CRELD1: variants seen among roughly 807,000 people sequenced by gnomAD.
The protein encoded by CRELD1 is protein disulfide isomerase CRELD1.
CRELD1 carries 42 observed loss-of-function variants against 58.2 expected under a neutral mutation model. The ratio of observed to expected loss-of-function variants is 0.72; its 90% CI spans 0.56 to 0.93. The LOEUF is 0.93. Among genes scored for constraint, CRELD1 ranks in the 40% least tolerant of loss-of-function variants. The pLI, the probability that CRELD1 is intolerant of heterozygous loss-of-function variation, is 0.00. For synonymous variants in CRELD1, 222 were observed against 202.0 expected, an observed-to-expected ratio of 1.10 and a Z score of -0.84; for missense variants, 500 against 540.6, an observed-to-expected ratio of 0.92 and a Z score of 0.74.
intron 7 of CRELD1, among the ~76,000 whole-genome samples, chr3:9,941,990 T>C (rs549207790): frequency 1.1e-4 from 16 of 151,724 alleles, no homozygotes; most frequent in Non-Finnish European, 1.9e-4. Context: ...GTTGGCTGGG[T>C]GTGGTAGCTC....
rs2085407333 is a variant in CRELD1 at position 9,942,902 on chromosome 3, T to G, written c.817+6T>G. 6.2e-7 allele frequency: 1 copy of G among 1,612,464 alleles called. No homozygotes were observed. The highest frequency in any genetic ancestry group is 1.7e-5 in the Admixed American group (1 of 59,998). On this transcript the variant is annotated splice_donor_region_variant and intron_variant, in intron 8 of 10. Transcript: ENST00000452070. ...GGGCTCCTATGAGTGCCGAGGTCAG[T>G]GTCTACTTCTGCAGAGGAGGGGACG...
At chr3:9,936,551 GTA>G (rs36230194) in intron 3 of CRELD1, among the ~76,000 whole-genome samples, 2,608 of 148,428 alleles carry the variant, frequency 0.018, 37 homozygotes, top group Non-Finnish European at 0.024. Flanking sequence ...ATATATATGC[GTA>G]TATATATATA....
In CRELD1 at chr3:9,935,345, A is replaced by C. The variant is rs1475023138; in HGVS notation, c.257+428A>C. Among the ~76,000 whole-genome samples, 2 of 152,196 alleles carry C rather than the reference A, an allele frequency of 1.3e-5. 1 individual carries two copies. Among genetic ancestry groups the C allele is most frequent in the East Asian group, 3.8e-4 (2 of 5,200 alleles). ...GCCAAGGGGAGAGTGCTAGAAGGTG[A>C]AGGCAAAGGCTTAAGCCTCGAGGGC... On this transcript the variant is annotated intron_variant, in intron 3 of 10. Coordinates refer to ENST00000452070, the MANE Select transcript of CRELD1 (RefSeq NM_001077415.3).
chr3:9,934,989 A>G, intron 3 of CRELD1, 72 bp downstream of exon 3: 1 of 1,306,432 alleles, frequency 7.7e-7, no homozygotes, highest in East Asian at 2.5e-5. Context: ...GTGTAGGGCT[A>G]GGAACTCTTG....
rs1293478732 is a variant in CRELD1 at position 9,940,734 on chromosome 3, G to C, written c.461-116G>C. The C allele has an allele frequency of 1.8e-5, 12 of 664,720 alleles. No individual in the cohort carries two copies. In the South Asian group the frequency reaches 2.0e-4, roughly 11 times the overall value. 41.2% of individuals were successfully genotyped at this position (664,720 alleles called of 1,614,324 possible). A position where few individuals can be genotyped will look rare whatever the true frequency, so the allele number is the denominator to read the frequency against. On this transcript the variant is annotated intron_variant, in intron 5 of 10. Coordinates refer to ENST00000452070, the MANE Select transcript of CRELD1 (RefSeq NM_001077415.3). ...AGAGGGAGAGGGAAAGGGGGAGGGG[G>C]AGGGGAGGGGGGGAGGGAGGGAAGG...
intron 7 of CRELD1, 83 bp from the exon 8 acceptor site, chr3:9,942,730 G>A: frequency 9.3e-7 from 1 of 1,076,166 alleles, no homozygotes; most frequent in Non-Finnish European, 1.4e-6. Context: ...TTAATCCCAG[G>A]CAAGACCATT....
intron 5 of CRELD1, 35 bp downstream of exon 5, chr3:9,938,141 G>A (rs1186507529): frequency 6.7e-6 from 10 of 1,501,290 alleles, no homozygotes; most frequent in Non-Finnish European, 7.4e-6. Context: ...GATGGGAGGG[G>A]ACCACCGAGT....
intron 1 of CRELD1, 104 bp from the exon 2 acceptor site, chr3:9,934,316 A>G: frequency 1.1e-6 from 1 of 909,972 alleles, no homozygotes; most frequent in Non-Finnish European, 1.8e-6. Flanking sequence ...TTTTGCTTGT[A>G]ATAACGCAGA....
In CRELD1 at chr3:9,934,900, G is replaced by C. The variant is rs1006724708; in HGVS notation, c.240G>C (p.Leu80Phe). 4 of 1,612,046 alleles carry C rather than the reference G, an allele frequency of 2.5e-6. No homozygotes were observed. The highest frequency in any genetic ancestry group is 3.4e-6 in the Non-Finnish European group (4 of 1,179,082). Residue 80 changes from leucine (L) to phenylalanine (F), a missense_variant, in exon 3 of 11, where the codon TTG becomes TTC. By Grantham distance (22) the Leu-to-Phe change is conservative. Coordinates refer to ENST00000452070, the MANE Select transcript of CRELD1 (RefSeq NM_001077415.3). The part of the protein sequence containing the change: ...GGNTAWEEEN[L>F]SKYKDSETRL... ...ACACTGCCTGGGAGGAAGAGAATTT[G>C]TCCAAATACAAAGACAGGTAAGGGG...
intron 2 of CRELD1, 44 bp downstream of exon 2, chr3:9,934,656 A>G: frequency 6.2e-7 from 1 of 1,600,736 alleles, no homozygotes; most frequent in Non-Finnish European, 8.6e-7. Flanking sequence ...ACAGCGATTT[A>G]GAGTGGGGAA....
In CRELD1 at chr3:9,944,076, G is replaced by A. The variant is rs144715692; in HGVS notation, c.1049-289G>A. On this transcript the variant is annotated intron_variant, in intron 10 of 10. Transcript: ENST00000452070. ...GGATCCCAATCCAGACAGTCTGACC[G>A]TGGAACGAGACTCATACACGTAATA... The A allele has an allele frequency of 4.6e-5, 37 of 798,640 alleles. No homozygotes were observed. In the Middle Eastern group the frequency reaches 6.7e-4, roughly 14 times the overall value. 49.5% of individuals were successfully genotyped at this position (798,640 alleles called of 1,614,324 possible). A position where few individuals can be genotyped will look rare whatever the true frequency, so the allele number is the denominator to read the frequency against.
chr3:9,943,710 A>G, intron 10 of CRELD1, 195 bp downstream of exon 10: 1 of 985,374 alleles, frequency 1.0e-6, no homozygotes, highest in East Asian at 1.1e-4. Context: ...TCCAGGGTAC[A>G]AAGGGAATCA....
At position 9,940,742 on chromosome 3, in the gene CRELD1, G is replaced by C. The variant is rs1266733781; in HGVS notation, c.461-108G>C. ...AGGGAAAGGGGGAGGGGGAGGGGAG[G>C]GGGGGAGGGAGGGAAGGCAAGGGAG... is the stretch of plus-strand genomic sequence containing the variant. On this transcript the variant is annotated intron_variant, in intron 5 of 10. Coordinates refer to ENST00000452070, the MANE Select transcript of CRELD1 (RefSeq NM_001077415.3). 9.7e-6 allele frequency: 7 copies of C among 722,238 alleles called. No individual in the cohort carries two copies. The African/African-American group carries it at 1.2e-4, about 13-fold the overall frequency. 44.7% of individuals were successfully genotyped at this position (722,238 alleles called of 1,614,324 possible).
At position 9,944,105 on chromosome 3, in the gene CRELD1, G is replaced by A. The variant is rs747946338; in HGVS notation, c.1049-260G>A. ...AACGAGACTCATACACGTAATAAAT[G>A]CTCTGCCCCCAACTTGTCCACCACA... On this transcript the variant is annotated intron_variant, in intron 10 of 10. Coordinates refer to ENST00000452070, the MANE Select transcript of CRELD1 (RefSeq NM_001077415.3). 5.1e-6 allele frequency: 4 copies of A among 790,524 alleles called. No individual in the cohort carries two copies. In the East Asian group the frequency reaches 7.3e-5, roughly 14 times the overall value. 49.0% of individuals were successfully genotyped at this position (790,524 alleles called of 1,614,324 possible).
chr3:9,942,886 T>G lies in CRELD1; in HGVS notation c.807T>G (p.Tyr269Ter). 6.2e-7 allele frequency: 1 copy of G among 1,614,084 alleles called. No homozygotes were observed. The highest frequency in any genetic ancestry group is 8.5e-7 in the Non-Finnish European group (1 of 1,179,896). Reference sequence around the variant, plus strand: ...TCTGCGTGAACACTGAGGGCTCCTATGAGTGCCGAGGTCAGTGTCTACTTC... The same window carrying G: ...TCTGCGTGAACACTGAGGGCTCCTAGGAGTGCCGAGGTCAGTGTCTACTTC... ...DQFCVNTEGS[Y>*]ECRDCAKACL... The change falls in exon 8 of 11, where the codon TAT becomes TAG. Residue 269 changes from tyrosine (Y) to a stop codon, truncating the protein, a stop_gained. Transcript: ENST00000452070. LOFTEE classifies it high-confidence loss of function.
chr3:9,941,061 C>T, intron 6 of CRELD1, 35 bp downstream of exon 6: 4 of 1,614,084 alleles, frequency 2.5e-6, no homozygotes, highest in Non-Finnish European at 3.4e-6. Flanking sequence ...TGGGCAGGGG[C>T]AGATGGGGCA....
At chr3:9,934,951 C>T in intron 3 of CRELD1, 34 bp downstream of exon 3, 1 of 1,546,600 alleles carries the variant, frequency 6.5e-7, no homozygotes, top group Non-Finnish European at 8.8e-7. Flanking sequence ...GTGTATATTC[C>T]CCTCCCCGCC....
At chr3:9,943,013 C>G in intron 8 of CRELD1, 64 bp from the exon 9 acceptor site, 1 of 1,568,024 alleles carries the variant, frequency 6.4e-7, no homozygotes, top group South Asian at 1.1e-5. Flanking sequence ...GCCTCCGCTT[C>G]TGGAGCGTGG....
chr3:9,939,305 C>T (rs2085281995), intron 5 of CRELD1, among the ~76,000 whole-genome samples: 1 of 152,078 alleles, frequency 6.6e-6, no homozygotes, highest in Non-Finnish European at 1.5e-5. Flanking sequence ...TACTGATATG[C>T]AGAGCAGAAA....
Sources: gnomAD v4.1 joint callset for allele counts (sites outside exome capture counted in the v4.1 genomes callset) on GRCh38, gnomAD v4.1.1 for gene constraint, MANE v1.5 for transcripts, NCBI Gene and HGNC (gene_info 2026-07-23, HGNC 2026-07-21) for gene names.